Variants in CRKL observed in about 807,000 individuals in gnomAD.
CRKL encodes the protein CRK like proto-oncogene, adaptor protein.
CRKL carries 3 observed loss-of-function variants against 23.0 expected under a neutral mutation model. The observed-to-expected ratio is 0.13, with a 90% CI of 0.06 to 0.34. The LOEUF is 0.34. Ranked by LOEUF, CRKL falls within the 10% of genes least tolerant of loss-of-function variation. The pLI is 1.00. For synonymous variants in CRKL, 188 were observed against 160.7 expected (o/e 1.17, Z -1.28); for missense variants, 256 against 394.5 (o/e 0.65, Z 2.97).
At chr22:20,937,416 A>C (rs1921705162) in intron 2 of CRKL, among the ~76,000 whole-genome samples, 1 of 149,950 alleles carries the variant, frequency 6.7e-6, no homozygotes, top group Non-Finnish European at 1.5e-5. Flanking sequence ...AATTTTAGGT[A>C]CCTGCCTGTT....
At chr22:20,932,269 C>G (rs978797528) in intron 1 of CRKL, among the ~76,000 whole-genome samples, 1 of 151,980 alleles carries the variant, frequency 6.6e-6, no homozygotes, top group Non-Finnish European at 1.5e-5. Flanking sequence ...CCACTATGCC[C>G]GGCTCATTTT....
rs148703254 is a variant in CRKL at position 20,918,183 on chromosome 22, C to T, written c.249C>T (p.Ala83=). The T allele has an allele frequency of 8.2e-5, 132 of 1,614,122 alleles. No homozygotes were observed. In the African/African-American group the frequency reaches 8.8e-4, roughly 11 times the overall value. ...ACCAGGAATTTGACCATTTGCCGGC[C>T]CTGCTGGAGTTTTACAAGATCCACT... ...IGDQEFDHLP[A]LLEFYKIHYL... The change falls in exon 1 of 3, where the codon GCC becomes GCT. Residue 83 remains alanine (A), a synonymous_variant. Coordinates refer to ENST00000354336, the MANE Select transcript of CRKL (RefSeq NM_005207.4).
intron 1 of CRKL, among the ~76,000 whole-genome samples, chr22:20,923,027 G>T (rs542709824): frequency 3.9e-5 from 6 of 152,222 alleles, no homozygotes; most frequent in African/African-American, 1.4e-4. Context: ...ACAACAGAAT[G>T]CTTCAGAAGG....
At chr22:20,936,223 C>T (rs1274274062) in intron 2 of CRKL, among the ~76,000 whole-genome samples, 2 of 152,078 alleles carry the variant, frequency 1.3e-5, no homozygotes, top group Non-Finnish European at 2.9e-5. Context: ...AAGTAAGGGA[C>T]CCTCTTGCTT....
intron 1 of CRKL, among the ~76,000 whole-genome samples, chr22:20,925,641 T>G (rs892673414): frequency 6.6e-6 from 1 of 152,214 alleles, no homozygotes; most frequent in Admixed American, 6.5e-5. Flanking sequence ...TCATAACAAG[T>G]TGGGTGGGGC....
rs371977821 is a variant in CRKL at position 20,918,884 on chromosome 22, C to G, written c.311+639C>G. 6.4e-4 allele frequency among the ~76,000 whole-genome samples: 97 copies of G among 152,212 alleles called. 1 individual carries two copies. The East Asian group carries it at 0.016, about 25-fold the overall frequency. Reference sequence around the variant, plus strand: ...GGATTACAGGCGTGAGCCACCACACCCGGCCAAAAACCGTTTTTAAGCCAT... The same window carrying G: ...GGATTACAGGCGTGAGCCACCACACGCGGCCAAAAACCGTTTTTAAGCCAT... On this transcript the variant is annotated intron_variant, in intron 1 of 2. Transcript: ENST00000354336.
intron 1 of CRKL, among the ~76,000 whole-genome samples, chr22:20,919,980 C>G (rs1276428822): frequency 6.6e-6 from 1 of 152,102 alleles, no homozygotes; most frequent in Admixed American, 6.6e-5. Context: ...TTGGTGAAAC[C>G]TGCGGTTCCT....
intron 2 of CRKL, among the ~76,000 whole-genome samples, chr22:20,947,676 A>ATTTTTTTTTT (rs59126952): frequency 2.2e-5 from 2 of 90,528 alleles, no homozygotes; most frequent in African/African-American, 4.4e-5. Flanking sequence ...TCTTTTTTTC[A>ATTTTTTTTTT]TTTTTTTTTT....
Position 20,918,949 on chromosome 22 carries a change from A to ACCCCAC in CRKL, c.311+726_311+731dup, listed in dbSNP as rs1206123678. 5.5e-4 allele frequency among the ~76,000 whole-genome samples: 61 copies of ACCCCAC among 111,590 alleles called. 1 individual carries two copies. The Middle Eastern group carries it at 0.013, about 24-fold the overall frequency. 73.2% of individuals were successfully genotyped at this position (111,590 alleles called of 152,430 possible). ...ATCTGAAGATAGCCGAGCACTCACC[A>ACCCCAC]CCCCACCCCCACCCCCACCCCCACC... is the stretch of plus-strand genomic sequence containing the variant. On this transcript the variant is annotated intron_variant, in intron 1 of 2. Coordinates refer to ENST00000354336, the MANE Select transcript of CRKL (RefSeq NM_005207.4).
At chr22:20,928,812 C>CA (rs57896414) in intron 1 of CRKL, among the ~76,000 whole-genome samples, 3,000 of 81,170 alleles carry the variant, frequency 0.037, 176 homozygotes, top group African/African-American at 0.12. Flanking sequence ...GATCCCATCT[C>CA]AAAAAAAAAA....
chr22:20,935,716 G>A (rs1921635530), intron 2 of CRKL, among the ~76,000 whole-genome samples: 1 of 151,606 alleles, frequency 6.6e-6, no homozygotes, highest in Admixed American at 6.6e-5. Flanking sequence ...AGTAGAGACG[G>A]GGTTTCACCA....
chr22:20,941,538 A>ATATGTG (rs1555920697), intron 2 of CRKL, among the ~76,000 whole-genome samples: 3 of 50,436 alleles, frequency 5.9e-5, no homozygotes, highest in African/African-American at 2.2e-4. Flanking sequence ...TATATATTTT[A>ATATGTG]TGTGTGTGTG....
Position 20,917,741 on chromosome 22 carries a change from G to A in CRKL, c.-194G>A, listed in dbSNP as rs1929743001. ...GCGGCTCTCTCCGTGTGGCGGCCCC[G>A]GAGCAGGCGGGCGGCGTCGGAGGAT... On this transcript the variant is annotated 5_prime_UTR_variant, in exon 1 of 3. Coordinates refer to ENST00000354336, the MANE Select transcript of CRKL (RefSeq NM_005207.4). 1 of 609,942 alleles carries A rather than the reference G, an allele frequency of 1.6e-6. No homozygotes were observed. Among genetic ancestry groups the A allele is most frequent in the South Asian group, 2.1e-5 (1 of 47,568 alleles). 37.8% of individuals were successfully genotyped at this position (609,942 alleles called of 1,614,324 possible). A position where few individuals can be genotyped will look rare whatever the true frequency, so the allele number is the denominator to read the frequency against.
chr22:20,929,646 A>AGT (rs1407766260), intron 1 of CRKL, among the ~76,000 whole-genome samples: 1 of 152,056 alleles, frequency 6.6e-6, no homozygotes, highest in African/African-American at 2.4e-5. Context: ...GTATTTTAAT[A>AGT]GTGACAGGGT....
Position 20,952,368 on chromosome 22 carries a change from G to A in CRKL, c.*2523G>A, listed in dbSNP as rs1477715292. The A allele has an allele frequency of 2.2e-5, 5 of 229,348 alleles. No homozygotes were observed. The highest frequency in any genetic ancestry group is 1.1e-4 in the Admixed American group (2 of 17,606). The allele number at this position is 229,348 out of a possible 1,614,324, so 14.2% of individuals were successfully genotyped here. On this transcript the variant is annotated 3_prime_UTR_variant, in exon 3 of 3. Transcript: ENST00000354336. ...GTTTGGTTTTATAATTAATCAGCTC[G>A]TTACTTCAGCCCATGAAAATGGCAT...
At chr22:20,947,080 G>T (rs1922087277) in intron 2 of CRKL, among the ~76,000 whole-genome samples, 1 of 152,190 alleles carries the variant, frequency 6.6e-6, no homozygotes, top group African/African-American at 2.4e-5. Context: ...GCCACCAGAA[G>T]TCTCTCAGCC....
At chr22:20,922,864 G>T (rs140070734) in intron 1 of CRKL, among the ~76,000 whole-genome samples, 108 of 152,056 alleles carry the variant, frequency 7.1e-4, no homozygotes, top group African/African-American at 2.5e-3. Context: ...GTAGAGACAG[G>T]GTTTCACCAT....
intron 2 of CRKL, among the ~76,000 whole-genome samples, chr22:20,938,514 G>A (rs574088144): frequency 1.1e-4 from 16 of 152,292 alleles, no homozygotes; most frequent in African/African-American, 3.8e-4. Context: ...GCAGTGGGCT[G>A]TTGCCATATC....
chr22:20,918,346 C>G, intron 1 of CRKL, 101 bp downstream of exon 1: 1 of 1,326,718 alleles, frequency 7.5e-7, no homozygotes, highest in Non-Finnish European at 1.0e-6. Context: ...CCATATTCCC[C>G]GCATTCTGAA....
Sources: gnomAD v4.1 joint callset for allele counts (sites outside exome capture counted in the v4.1 genomes callset) on GRCh38, gnomAD v4.1.1 for gene constraint, MANE v1.5 for transcripts, NCBI Gene and HGNC (gene_info 2026-07-23, HGNC 2026-07-21) for gene names.